Variants in ITPK1 observed in about 807,000 individuals in gnomAD.
ITPK1 encodes the protein inositol 1,3,4-trisphosphate 5/6-kinase.
Under a neutral mutation model 45.3 loss-of-function variants are expected in ITPK1, and 21 were observed. The ratio of observed to expected loss-of-function variants is 0.46; its 90% CI spans 0.33 to 0.67. The LOEUF is 0.67. Ranked by LOEUF, ITPK1 falls within the 30% of genes least tolerant of loss-of-function variation. The probability of loss-of-function intolerance (pLI) is 0.02; values close to 1 mark genes in which losing one functional copy is unlikely to be tolerated. For missense variants in ITPK1, 474 were observed against 573.5 expected (o/e 0.83, Z 1.77); for synonymous variants, 258 against 253.6 (o/e 1.02, Z -0.16).
chr14:93,066,597 G>C (rs1037016285), intron 3 of ITPK1, among the ~76,000 whole-genome samples: 3 of 151,988 alleles, frequency 2.0e-5, no homozygotes, highest in Non-Finnish European at 2.9e-5. Context: ...GTAGAGACAG[G>C]GTTTCACCGT....
chr14:93,052,455 C>T (rs996010376), intron 3 of ITPK1, among the ~76,000 whole-genome samples: 1 of 152,186 alleles, frequency 6.6e-6, no homozygotes. Context: ...TCTCCAAGGT[C>T]TAAGTCTCGA....
intron 3 of ITPK1, among the ~76,000 whole-genome samples, chr14:93,022,938 C>T (rs1276854276): frequency 6.6e-6 from 1 of 152,222 alleles, no homozygotes; most frequent in African/African-American, 2.4e-5. Context: ...TGAATTACAA[C>T]CACATGAACC....
chr14:92,947,953 C>T (rs963768790), intron 9 of ITPK1, among the ~76,000 whole-genome samples: 3 of 152,196 alleles, frequency 2.0e-5, no homozygotes, highest in Non-Finnish European at 4.4e-5. Flanking sequence ...AGCGTGCATC[C>T]ACAGATGAAC....
chr14:92,958,424 C>T lies in ITPK1; in HGVS notation c.505-58G>A. On this transcript the variant is annotated intron_variant, in intron 7 of 10. Transcript: ENST00000267615. The surrounding 1 kb of genome is among the most constrained non-coding windows in gnomAD (Gnocchi z 4.4). Reference sequence around the variant, plus strand: ...AATCCACCACCTTCTCAGCCTCCAACACACAGGTGTGTCACCTGTCCAGAG... The same window carrying T: ...AATCCACCACCTTCTCAGCCTCCAATACACAGGTGTGTCACCTGTCCAGAG... 6.4e-7 allele frequency: 1 copy of T among 1,563,910 alleles called. No individual in the cohort carries two copies. Among genetic ancestry groups the T allele is most frequent in the South Asian group, 1.1e-5 (1 of 88,308 alleles).
intron 3 of ITPK1, among the ~76,000 whole-genome samples, chr14:93,031,684 A>G (rs775215440): frequency 1.3e-5 from 2 of 152,162 alleles, no homozygotes; most frequent in East Asian, 1.9e-4. Flanking sequence ...TGGTAAGAGA[A>G]TAAGTGCCCA....
chr14:93,013,304 CA>C (rs139342357), intron 4 of ITPK1, among the ~76,000 whole-genome samples: 1 of 151,682 alleles, frequency 6.6e-6, no homozygotes, highest in Non-Finnish European at 1.5e-5. Flanking sequence ...CAAACAAAAA[CA>C]AAAAAAATCC....
chr14:93,031,821 C>T (rs1203893223), intron 3 of ITPK1, among the ~76,000 whole-genome samples: 1 of 152,174 alleles, frequency 6.6e-6, no homozygotes, highest in African/African-American at 2.4e-5. Flanking sequence ...TCTCCATGTT[C>T]CCCCTAGAAT....
chr14:92,966,431 T>C (rs967893802), intron 5 of ITPK1, among the ~76,000 whole-genome samples: 1 of 152,062 alleles, frequency 6.6e-6, no homozygotes, highest in Non-Finnish European at 1.5e-5. Context: ...AAAATACCAT[T>C]GAAAGAAATT....
chr14:92,981,624 C>G (rs1009022767), intron 5 of ITPK1, among the ~76,000 whole-genome samples: 1 of 152,230 alleles, frequency 6.6e-6, no homozygotes, highest in Non-Finnish European at 1.5e-5. Context: ...TTCTTGAAAA[C>G]ATTCTTCCCT....
rs766340814 is a variant in ITPK1 at position 92,951,982 on chromosome 14, G to C, written c.702C>G (p.Asn234Lys). ...DRESIFFNSH[N>K]VSKPESSSVL... ...CCGATGACGACTCCGGCTTTGACACGTTGTGGCTGTTGAAGAAGATGGACT... is the reference window on the plus strand; with the variant it reads ...CCGATGACGACTCCGGCTTTGACACCTTGTGGCTGTTGAAGAAGATGGACT... Residue 234 changes from asparagine to lysine, a missense_variant, in exon 9 of 11, where the codon AAC (asparagine) becomes AAG (lysine). This residue lies in a region of ITPK1 where 367 missense variants were observed against 480.6 expected (regional missense o/e 0.76). Coordinates refer to ENST00000267615, the MANE Select transcript of ITPK1 (RefSeq NM_014216.6). 2.9e-5 allele frequency: 46 copies of C among 1,577,160 alleles called. No individual in the cohort carries two copies. The highest frequency in any genetic ancestry group is 4.0e-5 in the Non-Finnish European group (46 of 1,161,148).
intron 3 of ITPK1, among the ~76,000 whole-genome samples, chr14:93,062,814 G>A (rs949240185): frequency 3.3e-5 from 5 of 152,268 alleles, no homozygotes; most frequent in East Asian, 3.9e-4. Context: ...ACACCAAGGC[G>A]TTTCATCTTC....
chr14:92,960,295 C>T (rs117290289), intron 7 of ITPK1, among the ~76,000 whole-genome samples: 2,757 of 152,212 alleles, frequency 0.018, 73 homozygotes, highest in Admixed American at 0.08. Context: ...CTGAGAGTCC[C>T]GAGGCCCATC....
At chr14:93,082,011 G>A (rs901186712) in intron 2 of ITPK1, among the ~76,000 whole-genome samples, 17 of 152,126 alleles carry the variant, frequency 1.1e-4, no homozygotes, top group Admixed American at 3.3e-4. Context: ...AGGGTTCATC[G>A]CACTCCGGGT....
rs1268294127 is a variant in ITPK1, at chr14:92,952,029, G to A, written c.671-16C>T. On this transcript the variant is annotated splice_polypyrimidine_tract_variant and intron_variant, in intron 8 of 10. Transcript: ENST00000267615. ...GACTCACGGTCTGAAAAAGCGACAG[G>A]AAGGAGCCGGCGTTAGAACCTCAAT... 6.4e-7 allele frequency: 1 copy of A among 1,559,254 alleles called. No individual in the cohort carries two copies.
chr14:92,962,571 G>C (rs1187180414), intron 6 of ITPK1, among the ~76,000 whole-genome samples, 176 bp from the exon 7 acceptor site: 1 of 152,176 alleles, frequency 6.6e-6, no homozygotes, highest in East Asian at 1.9e-4. Context: ...AGAGCACGTT[G>C]ACCTGTGTCC....
At chr14:93,061,397 C>A (rs758805145) in intron 3 of ITPK1, among the ~76,000 whole-genome samples, 22 of 152,190 alleles carry the variant, frequency 1.4e-4, no homozygotes, top group Non-Finnish European at 2.5e-4. Context: ...TTCCTCCTCT[C>A]CCTGGGGTGA....
intron 4 of ITPK1, among the ~76,000 whole-genome samples, chr14:93,003,719 GCCT>G (rs1301778304): frequency 6.6e-6 from 1 of 152,188 alleles, no homozygotes; most frequent in East Asian, 1.9e-4. Flanking sequence ...CAAGGCTTCT[GCCT>G]GCCCATCACT....
intron 5 of ITPK1, among the ~76,000 whole-genome samples, chr14:92,965,393 C>G (rs986987998): frequency 2.6e-4 from 40 of 152,272 alleles, no homozygotes; most frequent in Non-Finnish European, 1.8e-4. Flanking sequence ...CCCAGACTCC[C>G]CAGTGAAAGA....
At chr14:92,946,129 G>A (rs1451149811) in intron 10 of ITPK1, among the ~76,000 whole-genome samples, 7 of 152,176 alleles carry the variant, frequency 4.6e-5, no homozygotes, top group Non-Finnish European at 8.8e-5. Context: ...CCAGGTGGAC[G>A]TGCAGCTCTC....
Sources: allele counts gnomAD v4.1 joint callset (sites outside exome capture counted in the v4.1 genomes callset), GRCh38; gene constraint gnomAD v4.1.1; regional missense constraint gnomAD v4.1.1; non-coding constraint Gnocchi (gnomAD v3.1); transcripts MANE v1.5; gene names NCBI Gene and HGNC (gene_info 2026-07-23, HGNC 2026-07-21).